PTPRD: variants seen among roughly 807,000 people sequenced by gnomAD.
PTPRD encodes receptor-type tyrosine-protein phosphatase delta.
Under a neutral mutation model 214.5 loss-of-function variants are expected in PTPRD, and 34 were observed. That is an observed-to-expected ratio of 0.16 (90% CI 0.12 to 0.21). The LOEUF (loss-of-function observed/expected upper bound fraction) is 0.21, where lower values mean the gene tolerates loss of function less well. Ranked by LOEUF, PTPRD falls within the 10% of genes least tolerant of loss-of-function variation. The pLI, the probability that PTPRD is intolerant of heterozygous loss-of-function variation, is 1.00. For synonymous variants in PTPRD, 1,128 were observed against 845.7 expected (o/e 1.33, Z -5.79); for missense variants, 2,545 against 2,398.7 (o/e 1.06, Z -1.27).
chr9:9,076,796 T>TG, intron 10 of PTPRD, among the ~76,000 whole-genome samples: 1 of 151,740 alleles, frequency 6.6e-6, no homozygotes, highest in South Asian at 2.1e-4. Context: ...AATTTCCTTT[T>TG]TTTTTTTTTT....
chr9:9,917,302 G>GAAAAAAAAAA (rs140708788), intron 5 of PTPRD, among the ~76,000 whole-genome samples: 2 of 21,194 alleles, frequency 9.4e-5, no homozygotes, highest in African/African-American at 1.3e-4. Context: ...TAGCTAGACT[G>GAAAAAAAAAA]AAAAAAAAAA....
rs1280404925 is a variant in PTPRD, at chr9:9,397,477, C to T, written c.-231G>A. On this transcript the variant is annotated 5_prime_UTR_variant, in exon 9 of 46. An upstream start codon of the reference 5' UTR is lost. Transcript: ENST00000381196. ...AGTTGTTCAGTTAATGGACAGGCAC[C>T]ATCATCTGAAACAACAAAAATGTAT... 2 of 152,280 alleles carry T rather than the reference C, an allele frequency of 1.3e-5. No individual in the cohort carries two copies. The highest frequency in any genetic ancestry group is 2.9e-5 in the Non-Finnish European group (2 of 67,922). The allele number at this position is 152,280 out of a possible 1,614,324, so 9.4% of individuals were successfully genotyped here.
At chr9:9,625,868 C>T (rs1422068271) in intron 7 of PTPRD, among the ~76,000 whole-genome samples, 1 of 152,054 alleles carries the variant, frequency 6.6e-6, no homozygotes, top group Non-Finnish European at 1.5e-5. Flanking sequence ...CTCTGGTAGA[C>T]ATTGGTAGAG....
chr9:9,792,034 T>G (rs1014307368), intron 5 of PTPRD, among the ~76,000 whole-genome samples: 4 of 152,276 alleles, frequency 2.6e-5, no homozygotes, highest in African/African-American at 9.6e-5. Context: ...TCTTATCATT[T>G]TAAATATTAT....
At chr9:9,851,716 G>A (rs879610809) in intron 5 of PTPRD, among the ~76,000 whole-genome samples, 3 of 152,108 alleles carry the variant, frequency 2.0e-5, no homozygotes, top group Non-Finnish European at 4.4e-5. Context: ...GGAGGTAAAG[G>A]CTACAGTTAG....
chr9:8,345,617 C>T (rs1292942525), intron 39 of PTPRD, among the ~76,000 whole-genome samples: 1 of 152,014 alleles, frequency 6.6e-6, no homozygotes, highest in Non-Finnish European at 1.5e-5. Context: ...TTACTCCAGA[C>T]ACAAAATAAT....
chr9:10,546,364 T>C (rs2060172123), intron 2 of PTPRD, among the ~76,000 whole-genome samples: 1 of 152,082 alleles, frequency 6.6e-6, no homozygotes, highest in Non-Finnish European at 1.5e-5. Flanking sequence ...ATCCATTTTC[T>C]ATGCAAAAGA....
intron 2 of PTPRD, among the ~76,000 whole-genome samples, chr9:10,428,168 A>C (rs2098641997): frequency 6.6e-6 from 1 of 151,866 alleles, no homozygotes; most frequent in Non-Finnish European, 1.5e-5. Flanking sequence ...TAAAAAAATA[A>C]AATAGCTGGG....
At chr9:8,504,723 ATG>A (rs2097503088) in intron 22 of PTPRD, among the ~76,000 whole-genome samples, 1 of 152,212 alleles carries the variant, frequency 6.6e-6, no homozygotes, top group African/African-American at 2.4e-5. Context: ...CTGCCGTTAA[ATG>A]TGTGTATGTT....
At chr9:9,542,936 C>A (rs2077945097) in intron 8 of PTPRD, among the ~76,000 whole-genome samples, 1 of 151,528 alleles carries the variant, frequency 6.6e-6, no homozygotes, top group African/African-American at 2.4e-5. Context: ...TAAACATAAC[C>A]CTACTCAGCG....
chr9:8,762,099 G>T (rs1218100401), intron 11 of PTPRD, among the ~76,000 whole-genome samples: 2 of 152,120 alleles, frequency 1.3e-5, no homozygotes, highest in South Asian at 2.1e-4. Context: ...CAGTTTAGGG[G>T]ATGTGTGTGT....
At chr9:9,095,579 C>T (rs1268036065) in intron 10 of PTPRD, among the ~76,000 whole-genome samples, 1 of 152,126 alleles carries the variant, frequency 6.6e-6, no homozygotes, top group Non-Finnish European at 1.5e-5. Flanking sequence ...ATCCTCCTGC[C>T]TCAGTCACCC....
At chr9:9,783,700 C>T (rs1036065035) in intron 5 of PTPRD, among the ~76,000 whole-genome samples, 1 of 152,024 alleles carries the variant, frequency 6.6e-6, no homozygotes, top group Non-Finnish European at 1.5e-5. Context: ...TTGCCAGTTC[C>T]TCCCCTCCCA....
At chr9:9,351,471 A>C (rs571832008) in intron 9 of PTPRD, among the ~76,000 whole-genome samples, 18 of 151,592 alleles carry the variant, frequency 1.2e-4, no homozygotes, top group African/African-American at 4.1e-4. Flanking sequence ...TTAGTTCTAC[A>C]AAACGCAAAG....
chr9:8,640,881 G>A (rs1442110379), intron 12 of PTPRD, among the ~76,000 whole-genome samples: 1 of 133,208 alleles, frequency 7.5e-6, no homozygotes, highest in Non-Finnish European at 1.5e-5. Flanking sequence ...CACTAAGCAT[G>A]GGTGGTGCAT....
chr9:9,353,858 T>C (rs2052516664), intron 9 of PTPRD, among the ~76,000 whole-genome samples: 1 of 151,910 alleles, frequency 6.6e-6, no homozygotes, highest in Non-Finnish European at 1.5e-5. Flanking sequence ...CTTCCTCAGC[T>C]ATCACAAGGC....
intron 2 of PTPRD, among the ~76,000 whole-genome samples, chr9:10,583,218 G>T (rs1169534434): frequency 6.6e-6 from 1 of 152,200 alleles, no homozygotes; most frequent in African/African-American, 2.4e-5. Flanking sequence ...GAAGAAGGAA[G>T]TTCACGAGGA....
intron 23 of PTPRD, among the ~76,000 whole-genome samples, chr9:8,502,303 T>C (rs796979202): frequency 3.4e-4 from 52 of 152,208 alleles, no homozygotes; most frequent in African/African-American, 1.2e-3. Context: ...TAAAGCAATG[T>C]ATATGGTAGA....
At chr9:9,252,387 T>A (rs543408137) in intron 9 of PTPRD, among the ~76,000 whole-genome samples, 7 of 152,164 alleles carry the variant, frequency 4.6e-5, no homozygotes, top group African/African-American at 1.7e-4. Flanking sequence ...CTTACCCTCG[T>A]TTATTGTACT....
Sources: gnomAD v4.1 joint callset for allele counts (sites outside exome capture counted in the v4.1 genomes callset) on GRCh38, gnomAD v4.1.1 for gene constraint, MANE v1.5 for transcripts, NCBI Gene and HGNC (gene_info 2026-07-23, HGNC 2026-07-21) for gene names.